The following CSMD1 variants were observed in gnomAD, a reference collection of about 807,000 sequenced individuals.
The protein encoded by CSMD1 is CUB and Sushi multiple domains 1.
A neutral mutation model predicts 417.5 loss-of-function variants in CSMD1; 213 were observed. The observed-to-expected ratio is 0.51, with a 90% confidence interval of 0.46 to 0.57. CSMD1 has a LOEUF of 0.57. Among genes scored for constraint, CSMD1 ranks in the 20% least tolerant of loss-of-function variants. The probability of loss-of-function intolerance (pLI) is 0.00; values close to 1 mark genes in which losing one functional copy is unlikely to be tolerated. For missense variants in CSMD1, 6,923 were observed against 4,529.7 expected, an observed-to-expected ratio of 1.53 and a Z score of -15.17; for synonymous variants, 2,862 against 1,736.8, an observed-to-expected ratio of 1.65 and a Z score of -16.11.
intron 1 of CSMD1, among the ~76,000 whole-genome samples, chr8:4,672,060 T>G (rs1387719588): frequency 3.3e-5 from 5 of 152,174 alleles, no homozygotes; most frequent in African/African-American, 1.2e-4. Flanking sequence ...TACCTTTTGT[T>G]GAAAGATAGA....
chr8:4,726,946 G>C (rs1030040544), intron 1 of CSMD1, among the ~76,000 whole-genome samples: 1 of 152,018 alleles, frequency 6.6e-6, no homozygotes, highest in African/African-American at 2.4e-5. Context: ...TTGTACATAT[G>C]TACTTAAAAA....
At chr8:3,613,853 C>T (rs1056564944) in intron 8 of CSMD1, among the ~76,000 whole-genome samples, 1 of 151,880 alleles carries the variant, frequency 6.6e-6, no homozygotes, top group East Asian at 1.9e-4. Flanking sequence ...CACCTAAGCT[C>T]AGGAATAAAG....
intron 1 of CSMD1, among the ~76,000 whole-genome samples, chr8:4,830,840 C>A (rs969428012): frequency 6.6e-6 from 1 of 152,150 alleles, no homozygotes; most frequent in African/African-American, 2.4e-5. Context: ...AAAGAGAAAT[C>A]AGCTAAGTGA....
chr8:4,854,992 C>T (rs1040841194), intron 1 of CSMD1, among the ~76,000 whole-genome samples: 13 of 152,316 alleles, frequency 8.5e-5, no homozygotes, highest in African/African-American at 2.4e-4. Context: ...CATCAGTAAC[C>T]TCTGCAGACT....
intron 3 of CSMD1, among the ~76,000 whole-genome samples, chr8:4,216,424 A>G (rs1800672336): frequency 6.6e-6 from 1 of 152,180 alleles, no homozygotes; most frequent in South Asian, 2.1e-4. Flanking sequence ...ATTAATACTT[A>G]TTTGAAGTTC....
At position 3,824,308 on chromosome 8, in the gene CSMD1, A is replaced by G. The variant is rs140829945; in HGVS notation, c.819-70266T>C. Among the ~76,000 whole-genome samples the G allele has an allele frequency of 2.3e-3, 352 of 152,326 alleles. 1 individual carries two copies. Among genetic ancestry groups the G allele is most frequent in the African/African-American group, 8.1e-3 (338 of 41,568 alleles). On this transcript the variant is annotated intron_variant, in intron 5 of 69. Transcript: ENST00000635120. ...AATTCGATGTTAACAAACGGGCACAACAGCCTAGGAATACTGAGAGGTTGC... is the reference window on the plus strand; with the variant it reads ...AATTCGATGTTAACAAACGGGCACAGCAGCCTAGGAATACTGAGAGGTTGC...
chr8:2,967,141 C>T (rs1804041711), intron 57 of CSMD1, among the ~76,000 whole-genome samples: 2 of 152,150 alleles, frequency 1.3e-5, no homozygotes, highest in South Asian at 2.1e-4. Flanking sequence ...ATGATATTAG[C>T]AACACTGAAG....
chr8:4,646,761 G>C (rs1439280753), intron 1 of CSMD1, among the ~76,000 whole-genome samples: 1 of 152,124 alleles, frequency 6.6e-6, no homozygotes, highest in African/African-American at 2.4e-5. Context: ...AAAACCCCTA[G>C]ATCTATGATT....
At chr8:3,126,235 G>C (rs144992199) in intron 41 of CSMD1, among the ~76,000 whole-genome samples, 2 of 152,308 alleles carry the variant, frequency 1.3e-5, no homozygotes, top group African/African-American at 4.8e-5. Flanking sequence ...TAAAAGAAAT[G>C]AATCAGTGTT....
intron 10 of CSMD1, among the ~76,000 whole-genome samples, chr8:3,534,922 G>C (rs1034326351): frequency 6.6e-6 from 1 of 152,122 alleles, no homozygotes; most frequent in Non-Finnish European, 1.5e-5. Context: ...GTAAAAGATA[G>C]CCAGGGTTAC....
chr8:4,713,714 T>TCCCCAAA (rs907552256), intron 1 of CSMD1, among the ~76,000 whole-genome samples: 1 of 152,114 alleles, frequency 6.6e-6, no homozygotes, highest in African/African-American at 2.4e-5. Flanking sequence ...CACGGCCTCC[T>TCCCCAAA]CCCCAAACCC....
chr8:3,971,212 C>T (rs570266334), intron 5 of CSMD1, among the ~76,000 whole-genome samples: 85 of 152,204 alleles, frequency 5.6e-4, no homozygotes, highest in African/African-American at 2.0e-3. Flanking sequence ...TGTTCAGAGG[C>T]GCTGCTTCTG....
At chr8:4,940,911 G>C (rs13266320) in intron 1 of CSMD1, among the ~76,000 whole-genome samples, 76,389 of 152,006 alleles carry the variant, frequency 0.5, 20,396 homozygotes, top group East Asian at 0.79. Context: ...TATTCTCCAA[G>C]AGGAGAAGTG....
intron 3 of CSMD1, among the ~76,000 whole-genome samples, chr8:4,269,045 C>T (rs1307564168): frequency 6.6e-6 from 1 of 152,092 alleles, no homozygotes; most frequent in Non-Finnish European, 1.5e-5. Flanking sequence ...TCCAAGGTAT[C>T]ATCTTCGTCT....
chr8:3,666,418 TG>T (rs1173256259), intron 7 of CSMD1, among the ~76,000 whole-genome samples: 2 of 152,244 alleles, frequency 1.3e-5, no homozygotes, highest in Non-Finnish European at 2.9e-5. Context: ...CTGATTTTAA[TG>T]TATACTTGCT....
intron 5 of CSMD1, among the ~76,000 whole-genome samples, chr8:3,900,093 A>G (rs1386306661): frequency 6.6e-6 from 1 of 151,746 alleles, no homozygotes; most frequent in Non-Finnish European, 1.5e-5. Flanking sequence ...CAGCTGTGTG[A>G]TGGTGCAGCT....
At chr8:3,354,653 T>G (rs915549925) in intron 21 of CSMD1, among the ~76,000 whole-genome samples, 4 of 152,012 alleles carry the variant, frequency 2.6e-5, no homozygotes, top group African/African-American at 9.7e-5. Context: ...CCTTTATTTT[T>G]ACAATTTAGT....
At chr8:4,580,546 C>A (rs185237282) in intron 2 of CSMD1, among the ~76,000 whole-genome samples, 56 of 152,220 alleles carry the variant, frequency 3.7e-4, no homozygotes, top group African/African-American at 1.3e-3. Context: ...TTGAGTTGTT[C>A]CCCATGTCGG....
intron 26 of CSMD1, among the ~76,000 whole-genome samples, chr8:3,236,765 G>A (rs560861480): frequency 1.4e-4 from 21 of 152,108 alleles, no homozygotes; most frequent in Admixed American, 3.3e-4. Context: ...TGGATTTTTT[G>A]CTGACTCTGA....
Sources: gnomAD v4.1 joint callset for allele counts (sites outside exome capture counted in the v4.1 genomes callset) on GRCh38, gnomAD v4.1.1 for gene constraint, MANE v1.5 for transcripts, NCBI Gene and HGNC (gene_info 2026-07-23, HGNC 2026-07-21) for gene names.